The following DMXL2 variants were observed in gnomAD, a reference collection of about 807,000 sequenced individuals.
DMXL2 encodes Dmx like 2, also known as dmX-like protein 2.
In DMXL2, 103 loss-of-function variants were observed where a neutral mutation model predicts 331.1. The ratio of observed to expected loss-of-function variants is 0.31; its 90% CI spans 0.27 to 0.37. The LOEUF (loss-of-function observed/expected upper bound fraction) is 0.37, where lower values mean the gene tolerates loss of function less well. DMXL2 is among the 10% of genes least tolerant of loss of function. The pLI, the probability that DMXL2 is intolerant of heterozygous loss-of-function variation, is 1.00. For missense variants in DMXL2, 3,171 were observed against 3,642.9 expected, an observed-to-expected ratio of 0.87 and a Z score of 3.33; for synonymous variants, 1,281 against 1,252.1, an observed-to-expected ratio of 1.02 and a Z score of -0.49.
intron 23 of DMXL2, among the ~76,000 whole-genome samples, chr15:51,483,418 G>C (rs780171049): frequency 6.6e-6 from 1 of 152,166 alleles, no homozygotes; most frequent in African/African-American, 2.4e-5. Flanking sequence ...GACCATGACT[G>C]GCTATGACTT....
At chr15:51,567,029 T>C (rs2050331743) in intron 3 of DMXL2, 2 of 147,976 alleles carry the variant, frequency 1.4e-5, no homozygotes, top group Non-Finnish European at 3.0e-5. Context: ...GAATACCTAC[T>C]ATGTTCCAGA....
At chr15:51,500,631 T>A (rs1209199505) in intron 17 of DMXL2, among the ~76,000 whole-genome samples, 1 of 152,236 alleles carries the variant, frequency 6.6e-6, no homozygotes, top group Non-Finnish European at 1.5e-5. Flanking sequence ...TCATCATGAA[T>A]ACTTAACTGA....
At chr15:51,486,393 G>A in intron 22 of DMXL2, 56 bp from the exon 23 acceptor site, 1 of 1,308,000 alleles carries the variant, frequency 7.6e-7, no homozygotes, top group Non-Finnish European at 1.1e-6. Context: ...TTAGAGAGAT[G>A]AAATATCCCA....
At chr15:51,600,803 A>T (rs187247524) in intron 1 of DMXL2, among the ~76,000 whole-genome samples, 32 of 152,262 alleles carry the variant, frequency 2.1e-4, no homozygotes, top group Admixed American at 1.9e-3. Context: ...TAGGTCTGAC[A>T]TTTAAGCATT....
chr15:51,539,585 G>A (rs2140899148), intron 9 of DMXL2, among the ~76,000 whole-genome samples: 1 of 152,228 alleles, frequency 6.6e-6, no homozygotes, highest in African/African-American at 2.4e-5. Flanking sequence ...AAGGCGGGAG[G>A]ATCGCTTGAA....
At chr15:51,578,257 T>A (rs2051176727) in intron 1 of DMXL2, among the ~76,000 whole-genome samples, 1 of 152,176 alleles carries the variant, frequency 6.6e-6, no homozygotes, top group Non-Finnish European at 1.5e-5. Context: ...TCCTTACAAT[T>A]CTTACATTCT....
intron 22 of DMXL2, 29 bp downstream of exon 22, chr15:51,487,925 T>A: frequency 6.4e-7 from 1 of 1,555,458 alleles, no homozygotes; most frequent in Non-Finnish European, 8.7e-7. Flanking sequence ...CTTTTACAAG[T>A]ATTATATAGT....
rs1230775234 is a variant in DMXL2, at chr15:51,500,121, G to A, written c.3103C>T (p.Pro1035Ser). Residue 1035 changes from proline (P) to serine (S), a missense_variant, in exon 18 of 44, where the codon CCA becomes TCA. Coordinates refer to ENST00000560891, the MANE Select transcript of DMXL2 (RefSeq NM_001378457.1). ...RFWKCCMEAN[P>S]ECNKSDEKEI... ...TTCTCATCACTTTTATTACACTCTG[G>A]GTTGGCTTCCATACAACATTTCCAG... 6.2e-7 allele frequency: 1 copy of A among 1,613,812 alleles called. No individual in the cohort carries two copies. The highest frequency in any genetic ancestry group is 8.5e-7 in the Non-Finnish European group (1 of 1,179,980).
At chr15:51,566,246 T>TGTGGG (rs2050277419) in intron 3 of DMXL2, among the ~76,000 whole-genome samples, 1 of 45,534 alleles carries the variant, frequency 2.2e-5, no homozygotes, top group Non-Finnish European at 6.2e-5. Context: ...TGTGTGTGTG[T>TGTGGG]GTGTGTGTGT....
At chr15:51,460,221 G>C in intron 33 of DMXL2, 1 of 985,744 alleles carries the variant, frequency 1.0e-6, no homozygotes, top group East Asian at 1.1e-4. Context: ...GCTGCAATCA[G>C]AAGTTATATT....
chr15:51,561,290 T>C (rs1596264363), intron 6 of DMXL2, among the ~76,000 whole-genome samples: 1 of 152,338 alleles, frequency 6.6e-6, no homozygotes, highest in East Asian at 1.9e-4. Flanking sequence ...TAGCGTTAGT[T>C]GGATAGTGTG....
chr15:51,553,433 T>C (rs772570787), intron 6 of DMXL2, among the ~76,000 whole-genome samples: 7 of 152,200 alleles, frequency 4.6e-5, no homozygotes, highest in Non-Finnish European at 8.8e-5. Context: ...CAAGTGCAGA[T>C]TGCTAGAATT....
chr15:51,504,916 T>A (rs2043946330), intron 16 of DMXL2, among the ~76,000 whole-genome samples: 2 of 152,060 alleles, frequency 1.3e-5, no homozygotes, highest in Non-Finnish European at 2.9e-5. Flanking sequence ...AGAAAGAAAA[T>A]AAGAGCAGGA....
chr15:51,478,007 T>C (rs1190427657), intron 26 of DMXL2, among the ~76,000 whole-genome samples: 1 of 152,110 alleles, frequency 6.6e-6, no homozygotes. Context: ...TTATGGACAG[T>C]AAACTCTTCT....
At chr15:51,561,973 G>A (rs1207752597) in intron 6 of DMXL2, among the ~76,000 whole-genome samples, 3 of 152,124 alleles carry the variant, frequency 2.0e-5, no homozygotes, top group Admixed American at 2.0e-4. Flanking sequence ...TTATGTGGGA[G>A]CTAAAAAAGG....
In DMXL2 at chr15:51,606,002, A is replaced by C. The variant is rs921394650; in HGVS notation, c.87+16457T>G. Among the ~76,000 whole-genome samples, 147 of 152,346 alleles carry C rather than the reference A, an allele frequency of 9.6e-4. 2 individuals carry two copies. The highest frequency in any genetic ancestry group is 3.4e-3 in the African/African-American group (141 of 41,580). ...CAATTTGTCCTAACAGCATTTGCTA[A>C]TCTAAAAGAGTGAGGGTAAAACTGA... On this transcript the variant is annotated intron_variant, in intron 1 of 43. Coordinates refer to ENST00000560891, the MANE Select transcript of DMXL2 (RefSeq NM_001378457.1).
rs2043701330 is a variant in DMXL2, at chr15:51,502,306, T to TGTGTGTG, written c.2992+499_2992+500insCACACAC. Among the ~76,000 whole-genome samples, 12 of 140,628 alleles carry TGTGTGTG rather than the reference T, an allele frequency of 8.5e-5. No individual in the cohort carries two copies. The East Asian group carries it at 2.1e-3, about 25-fold the overall frequency. 92.3% of individuals were successfully genotyped at this position (140,628 alleles called of 152,430 possible). ...ATTTATCACAGGAAATTTTGTGGGT[T>TGTGTGTG]TGTGTGTGTGTGTGTGTGTGTGTGT... On this transcript the variant is annotated intron_variant, in intron 17 of 43. Coordinates refer to ENST00000560891, the MANE Select transcript of DMXL2 (RefSeq NM_001378457.1).
At chr15:51,510,510 A>G (rs184433977) in intron 15 of DMXL2, among the ~76,000 whole-genome samples, 71 of 152,238 alleles carry the variant, frequency 4.7e-4, no homozygotes, top group African/African-American at 1.7e-3. Context: ...CTCTTCAAGG[A>G]GAACTGCAAA....
chr15:51,539,684 C>T (rs1263954177), intron 9 of DMXL2, among the ~76,000 whole-genome samples: 48 of 152,046 alleles, frequency 3.2e-4, no homozygotes, highest in Admixed American at 3.1e-3. Context: ...TGGCACACAC[C>T]TGTGGTCCCA....
Sources: gnomAD v4.1 joint callset for allele counts (sites outside exome capture counted in the v4.1 genomes callset) on GRCh38, gnomAD v4.1.1 for gene constraint, MANE v1.5 for transcripts, NCBI Gene and HGNC (gene_info 2026-07-23, HGNC 2026-07-21) for gene names.